Variants in LINGO2 observed in about 807,000 individuals in gnomAD.
LINGO2 encodes leucine-rich repeat and immunoglobulin-like domain-containing nogo receptor-interacting protein 2.
A neutral mutation model predicts 30.6 loss-of-function variants in LINGO2; 14 were observed. The observed-to-expected ratio is 0.46, with a 90% confidence interval of 0.30 to 0.72. The LOEUF is 0.72. Among genes scored for constraint, LINGO2 ranks in the 30% least tolerant of loss-of-function variants. The pLI, the probability that LINGO2 is intolerant of heterozygous loss-of-function variation, is 0.07. For synonymous variants in LINGO2, 317 were observed against 288.5 expected, an observed-to-expected ratio of 1.10 and a Z score of -1.00; for missense variants, 729 against 751.7, an observed-to-expected ratio of 0.97 and a Z score of 0.35.
intron 2 of LINGO2, among the ~76,000 whole-genome samples, chr9:28,463,905 T>C (rs1405176319): frequency 6.6e-6 from 1 of 152,140 alleles, no homozygotes; most frequent in African/African-American, 2.4e-5. Flanking sequence ...ATAAAGATAA[T>C]TATTTTTTAT....
chr9:27,938,798 T>A, the LINGO2 span: 33 of 152,216 alleles, frequency 2.2e-4, no homozygotes, highest in Non-Finnish European at 7.3e-5. Flanking sequence ...GCTCGATTAC[T>A]ATGATAATGG....
At chr9:28,417,093 A>AT (rs879574761) in intron 2 of LINGO2, among the ~76,000 whole-genome samples, 32 of 132,708 alleles carry the variant, frequency 2.4e-4, no homozygotes, top group Admixed American at 6.3e-4. Flanking sequence ...AGGAGTTCAG[A>AT]TAAAAAAAAA....
At chr9:29,046,846 A>T in the LINGO2 span, among the ~76,000 whole-genome samples, 1 of 152,070 alleles carries the variant, frequency 6.6e-6, no homozygotes. Context: ...TGGGAAGCCG[A>T]GGCAGACAGA....
At chr9:28,841,253 T>C in the LINGO2 span, among the ~76,000 whole-genome samples, 1 of 151,714 alleles carries the variant, frequency 6.6e-6, no homozygotes, top group Non-Finnish European at 1.5e-5. Context: ...GGGAGGGATA[T>C]CCAGTATCTA....
intron 2 of LINGO2, among the ~76,000 whole-genome samples, chr9:28,437,549 GCACACACACACACA>G (rs58406750): frequency 6.8e-6 from 1 of 147,684 alleles, no homozygotes; most frequent in Non-Finnish European, 1.5e-5. Flanking sequence ...ACACACAGAC[GCACACACACACACA>G]CACACACACA....
the LINGO2 span, among the ~76,000 whole-genome samples, chr9:28,937,235 C>T: frequency 2.4e-4 from 37 of 151,188 alleles, no homozygotes; most frequent in South Asian, 5.8e-3. Flanking sequence ...ATCCCAGTAT[C>T]GACTCCAAGA....
At chr9:28,985,005 T>C in the LINGO2 span, among the ~76,000 whole-genome samples, 1 of 152,086 alleles carries the variant, frequency 6.6e-6, no homozygotes, top group Non-Finnish European at 1.5e-5. Flanking sequence ...TTTGTACCCT[T>C]TGACCATTAT....
chr9:29,130,897 G>T, the LINGO2 span, among the ~76,000 whole-genome samples: 5 of 152,158 alleles, frequency 3.3e-5, no homozygotes, highest in South Asian at 8.3e-4. Flanking sequence ...CCAGGGTCAA[G>T]CCTGTGATAC....
At chr9:28,608,209 G>T (rs1417652427) in intron 1 of LINGO2, among the ~76,000 whole-genome samples, 1 of 150,728 alleles carries the variant, frequency 6.6e-6, no homozygotes, top group Non-Finnish European at 1.5e-5. Flanking sequence ...GATTGATTGG[G>T]GATATTCTAA....
intron 3 of LINGO2, among the ~76,000 whole-genome samples, chr9:28,357,237 T>C (rs1820244867): frequency 6.6e-6 from 1 of 151,416 alleles, no homozygotes; most frequent in Admixed American, 6.6e-5. Context: ...AAATTAACCA[T>C]CTGCCAAATG....
the LINGO2 span, among the ~76,000 whole-genome samples, chr9:29,008,601 T>G: frequency 1.3e-5 from 2 of 152,190 alleles, no homozygotes; most frequent in Non-Finnish European, 2.9e-5. Context: ...GTTTCCTGAC[T>G]TTTTAATGAT....
chr9:28,283,783 G>A (rs202002455), intron 4 of LINGO2, among the ~76,000 whole-genome samples: 1 of 151,926 alleles, frequency 6.6e-6, no homozygotes, highest in South Asian at 2.1e-4. Flanking sequence ...ATTTAATTTA[G>A]GGTAGTTATT....
At chr9:28,701,431 G>A in the LINGO2 span, among the ~76,000 whole-genome samples, 1 of 151,728 alleles carries the variant, frequency 6.6e-6, no homozygotes, top group Admixed American at 6.6e-5. Flanking sequence ...CCATTCTATT[G>A]TCTTTGCGCC....
At chr9:27,949,001 T>A (rs1823483719) in exon 6 of LINGO2, 1 of 1,613,818 alleles carries the variant, frequency 6.2e-7, no homozygotes, top group Non-Finnish European at 8.5e-7. Flanking sequence ...GAAAACAAAA[T>A]AAAACCACTC....
chr9:28,701,446 T>C, the LINGO2 span, among the ~76,000 whole-genome samples: 3 of 151,962 alleles, frequency 2.0e-5, no homozygotes, highest in African/African-American at 4.8e-5. Context: ...TGCGCCTTAG[T>C]AAAAGATCAG....
rs145717275 is a variant in LINGO2, at chr9:28,020,039, C to A, written c.-86-7634G>T. On this transcript the variant is annotated intron_variant, in intron 4 of 5. Coordinates refer to ENST00000379992, the Ensembl canonical transcript of LINGO2. Reference sequence around the variant, plus strand: ...CCCGGGAAGATGTGTTGTACAAGTGCCCCCAAGTGATTCATAGAAATAGCC... The same window carrying A: ...CCCGGGAAGATGTGTTGTACAAGTGACCCCAAGTGATTCATAGAAATAGCC... 1.9e-3 allele frequency among the ~76,000 whole-genome samples: 285 copies of A among 152,208 alleles called. 2 individuals carry two copies. Among genetic ancestry groups the A allele is most frequent in the Middle Eastern group, 0.014 (4 of 294 alleles).
the LINGO2 span, among the ~76,000 whole-genome samples, chr9:28,778,258 C>G: frequency 2.6e-5 from 4 of 152,024 alleles, no homozygotes; most frequent in East Asian, 7.7e-4. Context: ...TCTTGCCACT[C>G]TAAGTTAAGA....
At chr9:28,585,180 AT>A in intron 1 of LINGO2, among the ~76,000 whole-genome samples, 1 of 152,188 alleles carries the variant, frequency 6.6e-6, no homozygotes, top group Admixed American at 6.6e-5. Flanking sequence ...CCCAGACAAC[AT>A]TTTTAAAATC....
At chr9:28,627,919 C>G (rs1458893823) in intron 1 of LINGO2, among the ~76,000 whole-genome samples, 1 of 151,894 alleles carries the variant, frequency 6.6e-6, no homozygotes, top group Non-Finnish European at 1.5e-5. Context: ...CCTTGGAGAG[C>G]TATATTTTAA....
Sources: allele counts gnomAD v4.1 joint callset (sites outside exome capture counted in the v4.1 genomes callset), GRCh38; gene constraint gnomAD v4.1.1; transcripts MANE v1.5; gene names NCBI Gene and HGNC (gene_info 2026-07-23, HGNC 2026-07-21).